The following TDRD9 variants were observed in gnomAD, a reference collection of about 807,000 sequenced individuals.
TDRD9 encodes the protein tudor domain containing 9, also known as ATP-dependent RNA helicase TDRD9.
Under a neutral mutation model 172.6 loss-of-function variants are expected in TDRD9, and 124 were observed. That is an observed-to-expected ratio of 0.72 (90% CI 0.62 to 0.83). The LOEUF is 0.83. Among genes scored for constraint, TDRD9 ranks in the 40% least tolerant of loss-of-function variants. The probability of loss-of-function intolerance (pLI) is 0.00; values close to 1 mark genes in which losing one functional copy is unlikely to be tolerated. For missense variants in TDRD9, 1,479 were observed against 1,714.1 expected, an observed-to-expected ratio of 0.86 and a Z score of 2.42; for synonymous variants, 619 against 617.1, an observed-to-expected ratio of 1.00 and a Z score of -0.05.
At chr14:104,009,079 C>T (rs545174980) in intron 20 of TDRD9, among the ~76,000 whole-genome samples, 1 of 152,204 alleles carries the variant, frequency 6.6e-6, no homozygotes, top group Non-Finnish European at 1.5e-5. Flanking sequence ...GTATGGCCCA[C>T]TACACGCCTA....
chr14:103,998,675 A>G lies in TDRD9; in HGVS notation c.1430A>G (p.Tyr477Cys). The G allele has an allele frequency of 6.2e-7, 1 of 1,612,026 alleles. No individual in the cohort carries two copies. Among genetic ancestry groups the G allele is most frequent in the Non-Finnish European group, 8.5e-7 (1 of 1,178,112 alleles). ...TTGGTCTGTGATGAAGATACAAATT[A>G]TCAGAGTCTGCGATTGAGTTGGGCT... ...RTLVCDEDTN[Y>C]QSLRLSWASK... is the part of the protein sequence containing the mutation. Residue 477 changes from tyrosine (Y) to cysteine (C), a missense_variant, in exon 13 of 36, where the codon TAT (tyrosine) becomes TGT (cysteine). Tyr to Cys is a radical substitution (Grantham distance 194). Around this residue, in one of 3 missense-constraint regions of TDRD9, gnomAD observed 1,413 missense variants for 1,649.1 expected, o/e 0.86. Transcript: ENST00000409874.
At chr14:104,035,115 C>T (rs1357612707) in intron 32 of TDRD9, 59 bp downstream of exon 32, 13 of 1,367,192 alleles carry the variant, frequency 9.5e-6, no homozygotes, top group South Asian at 7.6e-5. Context: ...CGGGAAAAAA[C>T]GGGTGCCTCT....
intron 30 of TDRD9, among the ~76,000 whole-genome samples, chr14:104,033,279 G>T (rs754945253): frequency 2.0e-5 from 3 of 152,168 alleles, no homozygotes; most frequent in Non-Finnish European, 2.9e-5. Context: ...GGCCTCTGGC[G>T]ATCTGCCTGT....
At chr14:104,001,490 T>A (rs1353009493) in intron 13 of TDRD9, among the ~76,000 whole-genome samples, 2 of 152,196 alleles carry the variant, frequency 1.3e-5, no homozygotes, top group Non-Finnish European at 2.9e-5. Context: ...ATTCTTGCCG[T>A]GTAAATAAAA....
At chr14:104,045,141 CA>C (rs955043634) in intron 34 of TDRD9, among the ~76,000 whole-genome samples, 1 of 130,496 alleles carries the variant, frequency 7.7e-6, no homozygotes, top group African/African-American at 2.8e-5. Context: ...GAAACTCTAT[CA>C]GGAAAAAAAA....
intron 1 of TDRD9, among the ~76,000 whole-genome samples, chr14:103,931,132 C>CAA (rs553560961): frequency 7.2e-6 from 1 of 139,550 alleles, no homozygotes; most frequent in Non-Finnish European, 1.6e-5. Context: ...CTGTCTCTAC[C>CAA]AAAAAAAAAA....
At chr14:103,933,660 G>A (rs1336996507) in intron 1 of TDRD9, among the ~76,000 whole-genome samples, 1 of 151,986 alleles carries the variant, frequency 6.6e-6, no homozygotes, top group Admixed American at 6.6e-5. Context: ...TGCCTGCCTC[G>A]GCCTCCCAAA....
intron 8 of TDRD9, among the ~76,000 whole-genome samples, chr14:103,988,576 A>G (rs1197747395): frequency 6.6e-6 from 1 of 151,872 alleles, no homozygotes; most frequent in Non-Finnish European, 1.5e-5. Context: ...ATATAGTTGA[A>G]TTTATGTTGG....
At chr14:103,987,055 A>C (rs1040891890) in intron 8 of TDRD9, among the ~76,000 whole-genome samples, 2 of 151,938 alleles carry the variant, frequency 1.3e-5, no homozygotes, top group African/African-American at 2.4e-5. Context: ...CAGAGGTTGC[A>C]GTAAGCTGAG....
Position 104,031,166 on chromosome 14 carries a change from G to A in TDRD9, c.3341G>A (p.Gly1114Asp), listed in dbSNP as rs2152251184. The A allele has an allele frequency of 1.3e-6, 2 of 1,551,600 alleles. No individual in the cohort carries two copies. Among genetic ancestry groups the A allele is most frequent in the East Asian group, 4.9e-5 (2 of 40,910 alleles). ...AAGTCAGTAGAAAACATGACAGATG[G>A]CTCTGTGCCCTTTCCCATGAAAGAC... ...FSKSVENMTD[G>D]SVPFPMKDDE... The change falls in exon 29 of 36, where the codon GGC becomes GAC. Residue 1114 changes from glycine to aspartate, a missense_variant. Around this residue, in one of 3 missense-constraint regions of TDRD9, gnomAD observed 1,413 missense variants for 1,649.1 expected, o/e 0.86. Coordinates refer to ENST00000409874, the MANE Select transcript of TDRD9 (RefSeq NM_153046.3).
intron 1 of TDRD9, among the ~76,000 whole-genome samples, chr14:103,946,708 C>G (rs375980325): frequency 1.3e-5 from 2 of 152,170 alleles, no homozygotes; most frequent in African/African-American, 4.8e-5. Flanking sequence ...AAGTAGCAGT[C>G]TACAAAGTTA....
chr14:103,968,713 G>A (rs1226409920), intron 5 of TDRD9, among the ~76,000 whole-genome samples: 10 of 140,002 alleles, frequency 7.1e-5, no homozygotes, highest in Non-Finnish European at 1.5e-4. Flanking sequence ...GGAGAATGGC[G>A]TGAACCCGGG....
At chr14:103,970,490 A>T in intron 5 of TDRD9, 51 bp from the exon 6 acceptor site, 1 of 1,349,202 alleles carries the variant, frequency 7.4e-7, no homozygotes. Flanking sequence ...CAGCAGTGTC[A>T]TGTGTGTTGC....
Position 103,941,321 on chromosome 14 carries a change from A to G in TDRD9, c.215+12597A>G. The G allele has an allele frequency of 2.7e-6, 3 of 1,114,512 alleles. No homozygotes were observed. In the South Asian group the frequency reaches 4.8e-5, roughly 18 times the overall value. 69.0% of individuals were successfully genotyped at this position (1,114,512 alleles called of 1,614,324 possible). On this transcript the variant is annotated intron_variant, in intron 1 of 35. Transcript: ENST00000409874. ...AGTTAAAGAATTTACATGATAGAAT[A>G]CAGTTTCTAGTCAAAATATATGAGG...
chr14:103,981,380 G>C (rs1356896177), intron 7 of TDRD9, among the ~76,000 whole-genome samples: 4 of 152,216 alleles, frequency 2.6e-5, no homozygotes, highest in Non-Finnish European at 4.4e-5. Context: ...GCCACTTGCT[G>C]TCTGAGCCCG....
At chr14:104,043,860 G>A (rs1212485601) in intron 34 of TDRD9, among the ~76,000 whole-genome samples, 1 of 152,232 alleles carries the variant, frequency 6.6e-6, no homozygotes, top group Admixed American at 6.5e-5. Context: ...GCAGTCTCAT[G>A]CAGGCAGCCT....
chr14:103,950,962 T>G lies in TDRD9; in HGVS notation c.216-4702T>G, dbSNP rs546342160. On this transcript the variant is annotated intron_variant, in intron 1 of 35. Transcript: ENST00000409874. ...AGCTTCAGACTAGCATCACCCTGTT[T>G]GTGATCTTTGTAGCCAAGGATAATT... 2.6e-5 allele frequency among the ~76,000 whole-genome samples: 4 copies of G among 152,358 alleles called. No individual in the cohort carries two copies. The South Asian group carries it at 8.3e-4, about 32-fold the overall frequency.
At chr14:103,973,974 G>T (rs1056432843) in intron 6 of TDRD9, among the ~76,000 whole-genome samples, 5 of 152,186 alleles carry the variant, frequency 3.3e-5, no homozygotes, top group Non-Finnish European at 5.9e-5. Context: ...GAGGTGGGCA[G>T]ATCGCCTGAG....
At chr14:103,971,329 G>C (rs2033021319) in intron 6 of TDRD9, among the ~76,000 whole-genome samples, 1 of 151,308 alleles carries the variant, frequency 6.6e-6, no homozygotes, top group Non-Finnish European at 1.5e-5. Flanking sequence ...TTTTGAGATG[G>C]AGTCTCACTC....
Sources: allele counts gnomAD v4.1 joint callset (sites outside exome capture counted in the v4.1 genomes callset), GRCh38; gene constraint gnomAD v4.1.1; regional missense constraint gnomAD v4.1.1; transcripts MANE v1.5; gene names NCBI Gene and HGNC (gene_info 2026-07-23, HGNC 2026-07-21).